FAM187B: variants seen among roughly 807,000 people sequenced by gnomAD.
FAM187B encodes the protein family with sequence similarity 187 member B.
Under a neutral mutation model 22.6 loss-of-function variants are expected in FAM187B, and 22 were observed. The observed-to-expected ratio is 0.97, with a 90% CI of 0.70 to 1.39. FAM187B has a LOEUF of 1.39. FAM187B is among the 40% of genes most tolerant of loss of function. The pLI is 0.00. For missense variants in FAM187B, 433 were observed against 462.1 expected (o/e 0.94, Z 0.58); for synonymous variants, 192 against 201.8 (o/e 0.95, Z 0.41).
intron 1 of FAM187B, among the ~76,000 whole-genome samples, 178 bp downstream of exon 1, chr19:35,227,781 G>A (rs968274216): frequency 1.3e-5 from 2 of 152,100 alleles, no homozygotes; most frequent in African/African-American, 2.4e-5. Context: ...ATCCCGGCTC[G>A]CACCACCCTG....
rs1417478252 is a variant in FAM187B at position 35,224,955 on chromosome 19, G to A, written c.980C>T (p.Ala327Val). The change falls in exon 2 of 2, where the codon GCG (alanine) becomes GTG (valine). Residue 327 changes from alanine to valine, a missense_variant. Transcript: ENST00000324675. ...CTTCAGCCCCTTGAGCACGGAGTCC[G>A]CCCTGCCCCGCAGGGCCTTCCTTGC... Reference protein sequence around the residue: ...REARKALRGRADSVLKGLKLV... With the variant: ...REARKALRGRVDSVLKGLKLV... 2 of 1,613,688 alleles carry A rather than the reference G, an allele frequency of 1.2e-6. No homozygotes were observed. Among genetic ancestry groups the A allele is most frequent in the Non-Finnish European group, 1.7e-6 (2 of 1,179,978 alleles).
chr19:35,228,664 C>T lies in FAM187B; in HGVS notation c.17G>A (p.Trp6Ter), dbSNP rs2065669922. 1.2e-6 allele frequency: 2 copies of T among 1,609,884 alleles called. No individual in the cohort carries two copies. The highest frequency in any genetic ancestry group is 1.7e-5 in the Admixed American group (1 of 59,938). Reference sequence around the variant, plus strand: ...CGGGGCAGCAAAGTGGAGCAGCAGCCACAGCATGGGTGGCATGGTGGACTG... The same window carrying T: ...CGGGGCAGCAAAGTGGAGCAGCAGCTACAGCATGGGTGGCATGGTGGACTG... MPPML[W>*]LLLHFAAPAL... The change falls in exon 1 of 2, where the codon TGG (tryptophan) becomes TAG (stop). Residue 6 changes from tryptophan (W) to a stop codon, truncating the protein, a stop_gained. Transcript: ENST00000324675. LOFTEE classifies it high-confidence loss of function.
chr19:35,225,272 T>G, intron 1 of FAM187B, 60 bp from the exon 2 acceptor site: 1 of 1,435,738 alleles, frequency 7.0e-7, no homozygotes, highest in Non-Finnish European at 9.1e-7. Context: ...GACGTCTCCC[T>G]GAGGAACAGA....
At chr19:35,227,909 C>A (rs189940662) in intron 1 of FAM187B, 50 bp downstream of exon 1, 1 of 1,559,404 alleles carries the variant, frequency 6.4e-7, no homozygotes, top group Admixed American at 1.9e-5. Flanking sequence ...CAGGAAGGAT[C>A]CCCTGACCGG....
chr19:35,228,462 T>C lies in FAM187B; in HGVS notation c.219A>G (p.Glu73=), dbSNP rs905598592. ...LTSLTNISNM[E]IMPEGSLLIK... ...TGAGAAGGCTGCCCTCGGGCATTAT[T>C]TCCATATTGGAAATATTGGTGAGGC... The change falls in exon 1 of 2, where the codon GAA becomes GAG. Residue 73 remains glutamate (E), a synonymous_variant. Transcript: ENST00000324675. 1.9e-6 allele frequency: 3 copies of C among 1,614,076 alleles called. No individual in the cohort carries two copies. The highest frequency in any genetic ancestry group is 2.7e-5 in the African/African-American group (2 of 74,934).
At chr19:35,227,652 C>CA (rs779887150) in intron 1 of FAM187B, among the ~76,000 whole-genome samples, 6 of 152,184 alleles carry the variant, frequency 3.9e-5, no homozygotes, top group Non-Finnish European at 7.4e-5. Flanking sequence ...GCCCCGGGGG[C>CA]ACCAGCCTCT....
intron 1 of FAM187B, 98 bp downstream of exon 1, chr19:35,227,861 C>A: frequency 6.6e-7 from 1 of 1,506,734 alleles, no homozygotes; most frequent in South Asian, 1.3e-5. Flanking sequence ...CGTGGCTGAA[C>A]TGCAAAGAAC....
chr19:35,228,332 GCA>G lies in FAM187B; in HGVS notation c.347_348del (p.Leu116ProfsTer39). On this transcript the variant is annotated frameshift_variant, in exon 1 of 2. Coordinates refer to ENST00000324675, the MANE Select transcript of FAM187B (RefSeq NM_152481.2). LOFTEE classifies it high-confidence loss of function. ...YEIDFQDVTT[L>X]HITHKDLGQR... ...TGACCCAGGTCCTTGTGTGTTATAT[GCA>G]GGGTGGTGACATCCTGAAAGTCAAT... 6.2e-7 allele frequency: 1 copy of G among 1,613,998 alleles called. No homozygotes were observed. The highest frequency in any genetic ancestry group is 1.3e-5 in the African/African-American group (1 of 74,852).
intron 1 of FAM187B, among the ~76,000 whole-genome samples, chr19:35,227,730 T>C (rs2065665722): frequency 6.6e-6 from 1 of 152,212 alleles, no homozygotes; most frequent in Non-Finnish European, 1.5e-5. Context: ...CTTCCTGGGC[T>C]TCCCCCATCA....
chr19:35,228,243 C>T lies in FAM187B; in HGVS notation c.438G>A (p.Glu146=). The T allele has an allele frequency of 6.2e-7, 1 of 1,614,224 alleles. No individual in the cohort carries two copies. ...GSKQLIFTWW[E]PWQDCNRCEE... is the part of the protein sequence containing the mutation. ...CACAGCGGTTGCAGTCCTGCCAGGG[C>T]TCCCACCAGGTAAAAATGAGCTGTT... The change falls in exon 1 of 2, where the codon GAG becomes GAA. Residue 146 remains glutamate (E), a synonymous_variant. Transcript: ENST00000324675.
intron 1 of FAM187B, 123 bp from the exon 2 acceptor site, chr19:35,225,335 C>T: frequency 8.3e-7 from 1 of 1,202,744 alleles, no homozygotes; most frequent in Non-Finnish European, 1.1e-6. Flanking sequence ...GAGCACTGTG[C>T]AGCCGTCAAC....
chr19:35,226,102 C>T (rs1333636969), intron 1 of FAM187B, among the ~76,000 whole-genome samples: 5 of 152,166 alleles, frequency 3.3e-5, no homozygotes, highest in Non-Finnish European at 5.9e-5. Context: ...AGGAGCCTTC[C>T]CTGACCCCAC....
In FAM187B at chr19:35,224,963, C is replaced by A. The variant is rs748248938; in HGVS notation, c.972G>T (p.Arg324=). The A allele has an allele frequency of 6.2e-7, 1 of 1,613,758 alleles. No homozygotes were observed. The change falls in exon 2 of 2, where the codon CGG becomes CGT. Residue 324 remains arginine, a synonymous_variant. Coordinates refer to ENST00000324675, the MANE Select transcript of FAM187B (RefSeq NM_152481.2). ...CCTTGAGCACGGAGTCCGCCCTGCCCCGCAGGGCCTTCCTTGCCTCCCGCC... is the reference window on the plus strand; with the variant it reads ...CCTTGAGCACGGAGTCCGCCCTGCCACGCAGGGCCTTCCTTGCCTCCCGCC... ...AQWREARKAL[R]GRADSVLKGL...
intron 1 of FAM187B, among the ~76,000 whole-genome samples, chr19:35,225,965 G>A (rs2065660451): frequency 6.6e-6 from 1 of 152,094 alleles, no homozygotes; most frequent in South Asian, 2.1e-4. Context: ...TACTCACTCT[G>A]CCTAGCCACG....
intron 1 of FAM187B, among the ~76,000 whole-genome samples, chr19:35,227,475 C>T (rs1034900095): frequency 9.8e-5 from 15 of 152,358 alleles, no homozygotes; most frequent in African/African-American, 3.4e-4. Flanking sequence ...CCACCTCGGC[C>T]TCCCAAAGTG....
At chr19:35,226,733 G>A (rs993318644) in intron 1 of FAM187B, among the ~76,000 whole-genome samples, 1 of 152,138 alleles carries the variant, frequency 6.6e-6, no homozygotes, top group African/African-American at 2.4e-5. Context: ...GGATGCTATG[G>A]CAGGCACTCT....
Position 35,224,812 on chromosome 19 carries a change from C to A in FAM187B, c.*13G>T. ...ACCGGAGGCCGGGTCCGCTTGTGCA[C>A]CGGGGGCTCGCTTTATTTCACCACC... On this transcript the variant is annotated 3_prime_UTR_variant, in exon 2 of 2. Transcript: ENST00000324675. The A allele has an allele frequency of 6.3e-7, 1 of 1,593,906 alleles. No individual in the cohort carries two copies. The highest frequency in any genetic ancestry group is 8.6e-7 in the Non-Finnish European group (1 of 1,168,618).
intron 1 of FAM187B, among the ~76,000 whole-genome samples, chr19:35,226,497 T>C (rs1474103252): frequency 6.6e-6 from 1 of 152,096 alleles, no homozygotes; most frequent in African/African-American, 2.4e-5. Flanking sequence ...TAAAACTATA[T>C]ATTTATGCGC....
chr19:35,224,907 A>G lies in FAM187B; in HGVS notation c.1028T>C (p.Val343Ala). 6.2e-7 allele frequency: 1 copy of G among 1,613,610 alleles called. No individual in the cohort carries two copies. The highest frequency in any genetic ancestry group is 8.5e-7 in the Non-Finnish European group (1 of 1,179,900). The change falls in exon 2 of 2, where the codon GTC (valine) becomes GCC (alanine). Residue 343 changes from valine (V) to alanine (A), a missense_variant. Transcript: ENST00000324675. ...GLKLVLLVVT[V>A]LALLGALLKC... ...GAGCAGCGCCCCCAGCAGGGCCAGG[A>G]CGGTGACCACGAGCAGCACCAGCTT...
Sources: gnomAD v4.1 joint callset for allele counts (sites outside exome capture counted in the v4.1 genomes callset) on GRCh38, gnomAD v4.1.1 for gene constraint, MANE v1.5 for transcripts, NCBI Gene and HGNC (gene_info 2026-07-23, HGNC 2026-07-21) for gene names.